The following EXTL3 variants were observed in gnomAD, a reference collection of about 807,000 sequenced individuals.
EXTL3 encodes the protein exostosin like glycosyltransferase 3, also known as exostosin-like 3.
A neutral mutation model predicts 69.3 loss-of-function variants in EXTL3; 27 were observed. The observed-to-expected ratio is 0.39, with a 90% confidence interval of 0.29 to 0.54. The LOEUF (loss-of-function observed/expected upper bound fraction) is 0.54. Ranked by LOEUF, EXTL3 falls within the 20% of genes least tolerant of loss-of-function variation. The probability of loss-of-function intolerance (pLI) is 0.69; values close to 1 mark genes in which losing one functional copy is unlikely to be tolerated. For synonymous variants in EXTL3, 511 were observed against 499.4 expected, an observed-to-expected ratio of 1.02 and a Z score of -0.31; for missense variants, 1,003 against 1,231.8, an observed-to-expected ratio of 0.81 and a Z score of 2.78.
rs1449097859 is a variant in EXTL3 at position 28,666,775 on chromosome 8, A to G, written c.-53+43965A>G. 2.6e-5 allele frequency among the ~76,000 whole-genome samples: 4 copies of G among 151,948 alleles called. No individual in the cohort carries two copies. In the East Asian group the frequency reaches 7.8e-4, roughly 29 times the overall value. Reference sequence around the variant, plus strand: ...TTATTAGTAGAGATGGGGTTTCACCATGTTGGCCAGGCTGGTCTCGAACTC... The same window carrying G: ...TTATTAGTAGAGATGGGGTTTCACCGTGTTGGCCAGGCTGGTCTCGAACTC... On this transcript the variant is annotated intron_variant, in intron 1 of 6. Coordinates refer to the EXTL3 transcript ENST00000523149.
chr8:28,728,360 C>A (rs1801457798), intron 3 of EXTL3, among the ~76,000 whole-genome samples: 1 of 152,202 alleles, frequency 6.6e-6, no homozygotes, highest in Non-Finnish European at 1.5e-5. Flanking sequence ...TCTCGTCTGA[C>A]CTAGGCCTCA....
rs369405316 is a variant in EXTL3 at position 28,736,160 on chromosome 8, G to A, written c.2277-1359G>A. ...GATTAAGATGGTATATTTTATGTTT[G>A]TTTTGCCACAATTTAAAAAAAATCA... On this transcript the variant is annotated intron_variant, in intron 4 of 6. Transcript: ENST00000220562. Among the ~76,000 whole-genome samples, 448 of 152,194 alleles carry A rather than the reference G, an allele frequency of 2.9e-3. 5 individuals are homozygous for A. The highest frequency in any genetic ancestry group is 6.8e-3 in the Middle Eastern group (2 of 294).
At chr8:28,680,180 T>G (rs1291144901) in intron 1 of EXTL3, among the ~76,000 whole-genome samples, 1 of 151,888 alleles carries the variant, frequency 6.6e-6, no homozygotes, top group Non-Finnish European at 1.5e-5. Flanking sequence ...TCACCTGAGG[T>G]CAGGAGTTCA....
upstream of EXTL3, among the ~76,000 whole-genome samples, chr8:28,698,663 C>CA (rs1800722351): frequency 1.3e-5 from 2 of 152,292 alleles, no homozygotes; most frequent in South Asian, 4.1e-4. Context: ...GCCTGGTCAA[C>CA]ATGGTTGAAA....
intron 1 of EXTL3, among the ~76,000 whole-genome samples, chr8:28,628,468 G>C (rs533843436): frequency 5.9e-5 from 9 of 152,244 alleles, no homozygotes; most frequent in Admixed American, 5.9e-4. Context: ...CAAGGTTGAG[G>C]CTGCAGTGAG....
At chr8:28,694,585 G>A (rs1179365390) in intron 1 of EXTL3, among the ~76,000 whole-genome samples, 1 of 152,150 alleles carries the variant, frequency 6.6e-6, no homozygotes, top group African/African-American at 2.4e-5. Context: ...TGGTGATTTA[G>A]GCAAATTAGT....
At chr8:28,746,589 T>C (rs1346237951) in intron 6 of EXTL3, among the ~76,000 whole-genome samples, 2 of 152,338 alleles carry the variant, frequency 1.3e-5, no homozygotes, top group African/African-American at 4.8e-5. Flanking sequence ...AATATTATAG[T>C]TGCTTCATTC....
intron 1 of EXTL3, among the ~76,000 whole-genome samples, chr8:28,640,912 CTT>C (rs1057055689): frequency 6.6e-6 from 1 of 152,124 alleles, no homozygotes; most frequent in African/African-American, 2.4e-5. Context: ...GTTATTAGCA[CTT>C]TTAACAGACT....
chr8:28,615,394 G>T (rs757894718), intron 2 of EXTL3, among the ~76,000 whole-genome samples: 32 of 152,070 alleles, frequency 2.1e-4, no homozygotes, highest in Non-Finnish European at 4.0e-4. Context: ...TTCTCTGCAG[G>T]TCTATCAGTT....
intron 1 of EXTL3, among the ~76,000 whole-genome samples, chr8:28,643,185 A>C (rs1214237698): frequency 2.0e-5 from 3 of 152,110 alleles, no homozygotes; most frequent in East Asian, 3.9e-4. Flanking sequence ...TGGAGGTTGC[A>C]GTGAGCCTAG....
chr8:28,739,328 G>C (rs1801726425), intron 5 of EXTL3, among the ~76,000 whole-genome samples: 1 of 152,054 alleles, frequency 6.6e-6, no homozygotes, highest in Non-Finnish European at 1.5e-5. Flanking sequence ...CATTTTTATA[G>C]GGACTTTTTT....
intron 4 of EXTL3, among the ~76,000 whole-genome samples, chr8:28,736,036 T>G (rs1801645872): frequency 6.6e-6 from 1 of 152,178 alleles, no homozygotes; most frequent in African/African-American, 2.4e-5. Context: ...GGACAGAGTT[T>G]CCGTTTGGGA....
intron 1 of EXTL3, among the ~76,000 whole-genome samples, chr8:28,713,216 G>A (rs925510161): frequency 2.0e-5 from 3 of 152,222 alleles, no homozygotes; most frequent in Admixed American, 6.5e-5. Context: ...CTGTCTGGAC[G>A]GTTTGCCTGC....
chr8:28,738,802 A>G (rs1352662196), intron 5 of EXTL3, among the ~76,000 whole-genome samples: 1 of 152,172 alleles, frequency 6.6e-6, no homozygotes, highest in Non-Finnish European at 1.5e-5. Context: ...GCTGTCACAT[A>G]AAGTCTCATT....
intron 5 of EXTL3, chr8:28,739,971 C>A (rs1801740956): frequency 6.6e-6 from 1 of 152,200 alleles, no homozygotes; most frequent in Non-Finnish European, 1.5e-5. Context: ...CCTCTACTTT[C>A]AAGAAATCAT....
intron 1 of EXTL3, among the ~76,000 whole-genome samples, chr8:28,657,497 A>G (rs1369253419): frequency 2.0e-5 from 3 of 152,012 alleles, no homozygotes; most frequent in African/African-American, 7.2e-5. Context: ...CATTTTTTTT[A>G]TTGTAATATT....
intron 4 of EXTL3, among the ~76,000 whole-genome samples, chr8:28,731,813 G>C (rs755956490): frequency 1.3e-5 from 2 of 152,106 alleles, no homozygotes; most frequent in Non-Finnish European, 2.9e-5. Context: ...AAAAGATTTG[G>C]GGGAAGGAGG....
chr8:28,741,803 A>G (rs1801786413), intron 5 of EXTL3: 1 of 152,208 alleles, frequency 6.6e-6, no homozygotes, highest in Admixed American at 6.5e-5. Flanking sequence ...CATTTTTTTA[A>G]GTTCACCAAC....
intron 1 of EXTL3, among the ~76,000 whole-genome samples, chr8:28,641,486 A>AT (rs910208413): frequency 3.3e-5 from 5 of 151,718 alleles, no homozygotes; most frequent in South Asian, 4.2e-4. Context: ...TATTTAATTT[A>AT]TTTTTTTTTA....
Sources: allele counts gnomAD v4.1 joint callset (sites outside exome capture counted in the v4.1 genomes callset), GRCh38; gene constraint gnomAD v4.1.1; transcripts MANE v1.5; gene names NCBI Gene and HGNC (gene_info 2026-07-23, HGNC 2026-07-21).